The following ZMYM2 variants were observed in gnomAD, a reference collection of about 807,000 sequenced individuals.
ZMYM2 encodes zinc finger MYM-type protein 2.
ZMYM2 carries 56 observed loss-of-function variants against 162.8 expected under a neutral mutation model. The ratio of observed to expected loss-of-function variants is 0.34; its 90% CI spans 0.28 to 0.43. The LOEUF (loss-of-function observed/expected upper bound fraction) is 0.43. Among genes scored for constraint, ZMYM2 ranks in the 20% least tolerant of loss-of-function variants. ZMYM2 has a pLI of 1.00. For synonymous variants in ZMYM2, 510 were observed against 541.6 expected, an observed-to-expected ratio of 0.94 and a Z score of 0.81; for missense variants, 1,275 against 1,621.8, an observed-to-expected ratio of 0.79 and a Z score of 3.67.
chr13:19,971,244 GTA>G (rs1555278426), intron 2 of ZMYM2, among the ~76,000 whole-genome samples: 18 of 50,138 alleles, frequency 3.6e-4, no homozygotes, highest in South Asian at 3.3e-3. Context: ...GTGTGTGTGT[GTA>G]TATATATATA....
At chr13:19,932,000 T>A in the ZMYM2 span, among the ~76,000 whole-genome samples, 2 of 152,194 alleles carry the variant, frequency 1.3e-5, no homozygotes, top group Admixed American at 1.3e-4. Flanking sequence ...TCCTTTATTG[T>A]TAATTTTTAT....
At chr13:19,937,374 G>A in the ZMYM2 span, among the ~76,000 whole-genome samples, 200 of 151,020 alleles carry the variant, frequency 1.3e-3, no homozygotes, top group Non-Finnish European at 1.4e-3. Context: ...TCCTGACCTC[G>A]TGATCCGCCC....
At chr13:19,876,201 AT>A in the ZMYM2 span, among the ~76,000 whole-genome samples, 1 of 151,916 alleles carries the variant, frequency 6.6e-6, no homozygotes, top group South Asian at 2.1e-4. Context: ...TAATTTTTGT[AT>A]TTTTAGTGGA....
chr13:19,957,682 G>A (rs1954631676), upstream of ZMYM2, among the ~76,000 whole-genome samples: 1 of 152,244 alleles, frequency 6.6e-6, no homozygotes, highest in Non-Finnish European at 1.5e-5. Context: ...TGAGGACCAG[G>A]AGACGGTGGC....
chr13:20,036,125 A>G (rs578250023), intron 11 of ZMYM2, among the ~76,000 whole-genome samples: 7 of 152,146 alleles, frequency 4.6e-5, no homozygotes, highest in Non-Finnish European at 1.0e-4. Context: ...AGTATAGAGT[A>G]TTATGTGATC....
chr13:19,894,117 A>G, the ZMYM2 span, among the ~76,000 whole-genome samples: 3 of 151,904 alleles, frequency 2.0e-5, no homozygotes, highest in African/African-American at 7.3e-5. Flanking sequence ...ATACACACAC[A>G]CACACTCAGA....
the ZMYM2 span, among the ~76,000 whole-genome samples, chr13:19,893,988 C>G: frequency 6.6e-6 from 1 of 151,628 alleles, no homozygotes. Context: ...AGTGGTGGAG[C>G]TGTAGTGGAG....
the ZMYM2 span, among the ~76,000 whole-genome samples, chr13:19,896,774 A>G: frequency 2.7e-5 from 4 of 149,096 alleles, no homozygotes; most frequent in African/African-American, 1.0e-4. Flanking sequence ...AAAAAAAAAA[A>G]GAAAAAAAAA....
intron 2 of ZMYM2, among the ~76,000 whole-genome samples, chr13:19,963,648 C>G (rs1158486048): frequency 1.3e-5 from 2 of 152,038 alleles, no homozygotes; most frequent in African/African-American, 4.8e-5. Context: ...TCACCAAATG[C>G]TTGGCAACAA....
At chr13:19,929,707 A>G in the ZMYM2 span, among the ~76,000 whole-genome samples, 148 of 152,136 alleles carry the variant, frequency 9.7e-4, no homozygotes, top group African/African-American at 3.5e-3. Context: ...TCCATCTCAG[A>G]CTTCTATTTT....
the ZMYM2 span, among the ~76,000 whole-genome samples, chr13:19,883,875 G>A: frequency 2.6e-5 from 4 of 152,052 alleles, no homozygotes; most frequent in East Asian, 7.7e-4. Flanking sequence ...TCCTGCCTCC[G>A]CCTCCCGCGT....
At chr13:19,922,760 C>T in the ZMYM2 span, among the ~76,000 whole-genome samples, 1 of 151,984 alleles carries the variant, frequency 6.6e-6, no homozygotes, top group African/African-American at 2.4e-5. Flanking sequence ...AGGAGAATGG[C>T]GAGAACCCGG....
At chr13:19,890,522 A>AAAAAAAAAAG in the ZMYM2 span, among the ~76,000 whole-genome samples, 553 of 148,206 alleles carry the variant, frequency 3.7e-3, 3 homozygotes, top group South Asian at 9.0e-3. Flanking sequence ...AAAAAAAAAA[A>AAAAAAAAAAG]GTTGGGAAAA....
chr13:19,876,702 C>CT, the ZMYM2 span, among the ~76,000 whole-genome samples: 2 of 152,158 alleles, frequency 1.3e-5, no homozygotes, highest in Admixed American at 6.6e-5. Flanking sequence ...TTCGATGGTA[C>CT]TAACTTCATT....
At chr13:19,969,457 G>A (rs9578240) in intron 2 of ZMYM2, among the ~76,000 whole-genome samples, 15,638 of 152,212 alleles carry the variant, frequency 0.1, 1,315 homozygotes, top group African/African-American at 0.22. Flanking sequence ...AAGTGGGGTC[G>A]TAATATAGTA....
chr13:20,011,584 T>TTTTTTTTTTTTTTTTTTG (rs1951191649), intron 6 of ZMYM2, among the ~76,000 whole-genome samples: 1 of 150,824 alleles, frequency 6.6e-6, no homozygotes, highest in Non-Finnish European at 1.5e-5. Flanking sequence ...TTTTATTTTT[T>TTTTTTTTTTTTTTTTTTG]TTTTTTTTGA....
the ZMYM2 span, among the ~76,000 whole-genome samples, chr13:19,874,280 C>T: frequency 6.6e-6 from 1 of 152,088 alleles, no homozygotes; most frequent in Non-Finnish European, 1.5e-5. Context: ...AGTGCAGTAG[C>T]GTGATCACAG....
chr13:20,061,291 G>A (rs1351981823), intron 17 of ZMYM2, 67 bp downstream of exon 17: 4 of 1,518,414 alleles, frequency 2.6e-6, no homozygotes, highest in Non-Finnish European at 3.6e-6. Context: ...TATTGTTACA[G>A]TACTTTCCAG....
At chr13:19,992,285 G>A (rs1034937694) in intron 2 of ZMYM2, among the ~76,000 whole-genome samples, 2 of 152,224 alleles carry the variant, frequency 1.3e-5, no homozygotes, top group Non-Finnish European at 2.9e-5. Flanking sequence ...AGGCACAATG[G>A]CCCATGCCTG....
Sources: gnomAD v4.1 joint callset for allele counts (sites outside exome capture counted in the v4.1 genomes callset) on GRCh38, gnomAD v4.1.1 for gene constraint, MANE v1.5 for transcripts, NCBI Gene and HGNC (gene_info 2026-07-23, HGNC 2026-07-21) for gene names.